The following NLK variants were observed in gnomAD, a reference collection of about 807,000 sequenced individuals.
The protein encoded by NLK is nemo like kinase, also known as serine/threonine-protein kinase NLK.
Under a neutral mutation model 59.0 loss-of-function variants are expected in NLK, and 11 were observed. The ratio of observed to expected loss-of-function variants is 0.19; its 90% CI spans 0.12 to 0.31. The LOEUF (loss-of-function observed/expected upper bound fraction) is 0.31. NLK is among the 10% of genes least tolerant of loss of function. NLK has a pLI of 1.00. For missense variants in NLK, 410 were observed against 661.1 expected (o/e 0.62, Z 4.16); for synonymous variants, 235 against 235.9 (o/e 1.00, Z 0.03).
At chr17:28,128,199 G>A (rs1275394298) in intron 2 of NLK, among the ~76,000 whole-genome samples, 1 of 152,108 alleles carries the variant, frequency 6.6e-6, no homozygotes, top group Non-Finnish European at 1.5e-5. Flanking sequence ...ACTGAGATAA[G>A]CAAAGATGTC....
chr17:28,159,211 G>A (rs1907906684), intron 3 of NLK, among the ~76,000 whole-genome samples: 1 of 152,156 alleles, frequency 6.6e-6, no homozygotes, highest in Admixed American at 6.5e-5. Context: ...AAGGAAGAAG[G>A]CCAAATGATT....
At chr17:28,120,276 G>GTGTA (rs1164839736) in intron 1 of NLK, among the ~76,000 whole-genome samples, 1 of 150,610 alleles carries the variant, frequency 6.6e-6, no homozygotes, top group Admixed American at 6.6e-5. Context: ...GTGTGTGTAT[G>GTGTA]TGTGTGTGTA....
At chr17:28,076,104 C>T (rs1328356668) in intron 1 of NLK, among the ~76,000 whole-genome samples, 3 of 151,962 alleles carry the variant, frequency 2.0e-5, no homozygotes, top group African/African-American at 7.3e-5. Context: ...TGTGTTGGAG[C>T]TAAAAAGGAT....
chr17:28,092,177 A>G (rs1904517565), intron 1 of NLK, among the ~76,000 whole-genome samples: 1 of 147,214 alleles, frequency 6.8e-6, no homozygotes, highest in Non-Finnish European at 1.5e-5. Context: ...GTCAGGACCA[A>G]CTTTTCTTTG....
intron 1 of NLK, among the ~76,000 whole-genome samples, chr17:28,051,155 A>C (rs1909239793): frequency 6.6e-6 from 1 of 152,058 alleles, no homozygotes; most frequent in Non-Finnish European, 1.5e-5. Context: ...CCTGATAGTA[A>C]ATAGATCATT....
chr17:28,093,077 A>G (rs1010060162), intron 1 of NLK, among the ~76,000 whole-genome samples: 6 of 152,040 alleles, frequency 3.9e-5, no homozygotes, highest in South Asian at 2.1e-4. Context: ...ACAGGCGTGA[A>G]CCACCGCACC....
At chr17:28,068,713 T>G (rs143045002) in intron 1 of NLK, among the ~76,000 whole-genome samples, 1 of 152,252 alleles carries the variant, frequency 6.6e-6, no homozygotes, top group East Asian at 1.9e-4. Flanking sequence ...AAGATCTCTT[T>G]CTGTTGCCCA....
At chr17:28,091,413 G>T (rs139915714) in intron 1 of NLK, among the ~76,000 whole-genome samples, 1 of 151,670 alleles carries the variant, frequency 6.6e-6, no homozygotes, top group South Asian at 2.1e-4. Context: ...TTTTATCTGG[G>T]CAATGAGTAC....
chr17:28,199,722 G>C (rs1303745968), downstream of NLK, among the ~76,000 whole-genome samples: 1 of 144,922 alleles, frequency 6.9e-6, no homozygotes, highest in Non-Finnish European at 1.5e-5. Context: ...TAGATAACCA[G>C]GAAATATAAC....
At chr17:28,103,980 C>T (rs1231216137) in intron 1 of NLK, among the ~76,000 whole-genome samples, 1 of 152,154 alleles carries the variant, frequency 6.6e-6, no homozygotes, top group Non-Finnish European at 1.5e-5. Flanking sequence ...TGACCTTTGT[C>T]TAGTGATAAA....
intron 7 of NLK, among the ~76,000 whole-genome samples, chr17:28,179,852 C>T (rs555237809): frequency 2.2e-3 from 310 of 141,054 alleles, no homozygotes; most frequent in African/African-American, 7.8e-3. Context: ...AGTTCTAGGG[C>T]ATATTTCTAA....
At chr17:28,150,091 T>C (rs1459406638) in intron 3 of NLK, among the ~76,000 whole-genome samples, 1 of 152,190 alleles carries the variant, frequency 6.6e-6, no homozygotes, top group Non-Finnish European at 1.5e-5. Flanking sequence ...TAGATTTAAA[T>C]GCAAACTCTG....
chr17:28,064,228 TC>T (rs1293147634), intron 1 of NLK, among the ~76,000 whole-genome samples: 1 of 139,062 alleles, frequency 7.2e-6, no homozygotes, highest in Non-Finnish European at 1.5e-5. Flanking sequence ...TGTCTTGAAC[TC>T]CTGGACTCAA....
At chr17:28,187,002 TTATC>T (rs1361658864) in intron 8 of NLK, among the ~76,000 whole-genome samples, 1 of 152,214 alleles carries the variant, frequency 6.6e-6, no homozygotes, top group Non-Finnish European at 1.5e-5. Flanking sequence ...TTTGGTAAGT[TTATC>T]TACATAACTA....
At chr17:28,060,603 C>T (rs562234688) in intron 1 of NLK, among the ~76,000 whole-genome samples, 44 of 152,110 alleles carry the variant, frequency 2.9e-4, no homozygotes, top group Non-Finnish European at 6.2e-4. Context: ...AAGAAATACA[C>T]TTGAAGAACC....
chr17:28,062,024 C>G (rs2142747728), intron 1 of NLK: 1 of 150,590 alleles, frequency 6.6e-6, no homozygotes, highest in Admixed American at 6.7e-5. Context: ...TCCATCTAAT[C>G]CCTGAGCTGG....
chr17:28,069,537 C>T (rs188549612), intron 1 of NLK, among the ~76,000 whole-genome samples: 1 of 152,288 alleles, frequency 6.6e-6, no homozygotes, highest in East Asian at 1.9e-4. Flanking sequence ...ACTTGCAAAT[C>T]CTTGCAAAAT....
At chr17:28,153,256 A>G (rs1477636684) in intron 3 of NLK, among the ~76,000 whole-genome samples, 1 of 151,806 alleles carries the variant, frequency 6.6e-6, no homozygotes, top group Non-Finnish European at 1.5e-5. Context: ...GCTGTGCAAC[A>G]AGAGCGAAAT....
downstream of NLK, among the ~76,000 whole-genome samples, chr17:28,198,128 G>A (rs893788235): frequency 6.6e-6 from 1 of 152,148 alleles, no homozygotes. Flanking sequence ...GGAGGTACAT[G>A]GCACATATGT....
Sources: allele counts gnomAD v4.1 joint callset (sites outside exome capture counted in the v4.1 genomes callset), GRCh38; gene constraint gnomAD v4.1.1; transcripts MANE v1.5; gene names NCBI Gene and HGNC (gene_info 2026-07-23, HGNC 2026-07-21).